Variants in ATOSA observed in about 807,000 individuals in gnomAD.
ATOSA encodes the protein atos homolog protein A.
the ATOSA span, among the ~76,000 whole-genome samples, chr15:52,704,735 A>G: frequency 6.6e-6 from 1 of 152,236 alleles, no homozygotes; most frequent in African/African-American, 2.4e-5. Context: ...ACATTTATGC[A>G]GCCAACAGAC....
At chr15:52,584,834 T>A in the ATOSA span, 1 of 1,613,670 alleles carries the variant, frequency 6.2e-7, no homozygotes, top group South Asian at 1.1e-5. Context: ...GTTTAACAGG[T>A]ACAGAAAAAG....
chr15:52,660,696 G>A, the ATOSA span, among the ~76,000 whole-genome samples: 1 of 151,958 alleles, frequency 6.6e-6, no homozygotes, highest in Non-Finnish European at 1.5e-5. Context: ...TTTTTGCCTA[G>A]GCTGGAGTGC....
At chr15:52,678,374 T>C in the ATOSA span, 1 of 388,700 alleles carries the variant, frequency 2.6e-6, no homozygotes, top group East Asian at 4.3e-5. Context: ...AGGATCTATT[T>C]ATAACCTGGA....
chr15:52,582,066 T>C, the ATOSA span: 6 of 1,101,914 alleles, frequency 5.4e-6, no homozygotes, highest in Non-Finnish European at 6.2e-6. Flanking sequence ...TCCACTCTCC[T>C]GATTGTTAAT....
At chr15:52,662,813 C>T in the ATOSA span, among the ~76,000 whole-genome samples, 1 of 150,630 alleles carries the variant, frequency 6.6e-6, no homozygotes, top group Non-Finnish European at 1.5e-5. Context: ...GTATTGTGTA[C>T]CATGTTAATA....
the ATOSA span, among the ~76,000 whole-genome samples, chr15:52,700,732 T>A: frequency 6.6e-6 from 1 of 152,222 alleles, no homozygotes; most frequent in Non-Finnish European, 1.5e-5. Context: ...TTGCTTTCCT[T>A]TATTGGAAAG....
the ATOSA span, among the ~76,000 whole-genome samples, chr15:52,631,954 T>A: frequency 6.6e-6 from 1 of 152,140 alleles, no homozygotes; most frequent in Non-Finnish European, 1.5e-5. Flanking sequence ...TTACCCAAGT[T>A]GGTCTCAAAC....
At chr15:52,604,820 C>T in the ATOSA span, among the ~76,000 whole-genome samples, 1 of 151,750 alleles carries the variant, frequency 6.6e-6, no homozygotes, top group African/African-American at 2.4e-5. Flanking sequence ...TGCAGATGAC[C>T]CAGTTAGTGG....
chr15:52,603,192 A>G, the ATOSA span, among the ~76,000 whole-genome samples: 1 of 152,226 alleles, frequency 6.6e-6, no homozygotes. Flanking sequence ...CGTTTCTCAA[A>G]AGACAATATG....
chr15:52,651,925 AG>A, the ATOSA span: 1 of 1,535,452 alleles, frequency 6.5e-7, no homozygotes, highest in Non-Finnish European at 8.7e-7. Context: ...CCTTGTATAA[AG>A]GAAGTTGCCT....
chr15:52,636,537 G>A, the ATOSA span, among the ~76,000 whole-genome samples: 20 of 152,116 alleles, frequency 1.3e-4, no homozygotes, highest in Non-Finnish European at 2.9e-5. Context: ...AAAAGATGAA[G>A]GCTCACATAG....
At chr15:52,696,625 A>G in the ATOSA span, among the ~76,000 whole-genome samples, 1 of 152,142 alleles carries the variant, frequency 6.6e-6, no homozygotes, top group African/African-American at 2.4e-5. Context: ...CTGCAGTACC[A>G]GTGACTGTCA....
At chr15:52,601,277 C>T in the ATOSA span, 1 of 645,338 alleles carries the variant, frequency 1.5e-6, no homozygotes, top group Non-Finnish European at 2.7e-6. Flanking sequence ...AATATTACAA[C>T]TTCTCCTATA....
the ATOSA span, among the ~76,000 whole-genome samples, chr15:52,709,189 C>A: frequency 6.6e-6 from 1 of 152,146 alleles, no homozygotes; most frequent in Non-Finnish European, 1.5e-5. Flanking sequence ...GGGTACATTC[C>A]TTTTCACCTC....
the ATOSA span, among the ~76,000 whole-genome samples, chr15:52,639,071 C>G: frequency 6.7e-6 from 1 of 148,554 alleles, no homozygotes; most frequent in East Asian, 1.9e-4. Flanking sequence ...TGAGTCTTTG[C>G]TGTCCCAAGA....
At chr15:52,585,068 T>TGGTA in the ATOSA span, 1 of 670,010 alleles carries the variant, frequency 1.5e-6, no homozygotes, top group Non-Finnish European at 2.3e-6. Context: ...TATAATTCAG[T>TGGTA]TTCAAGGACT....
chr15:52,655,132 CTAATA>C, the ATOSA span, among the ~76,000 whole-genome samples: 2 of 152,226 alleles, frequency 1.3e-5, no homozygotes, highest in East Asian at 3.9e-4. Flanking sequence ...CTTCCTAAAT[CTAATA>C]TATGTGCCCT....
the ATOSA span, among the ~76,000 whole-genome samples, chr15:52,641,643 C>A: frequency 6.6e-6 from 1 of 152,116 alleles, no homozygotes. Flanking sequence ...ACTGTATGAG[C>A]GGATTCATTC....
At chr15:52,591,774 A>G in the ATOSA span, among the ~76,000 whole-genome samples, 1 of 152,144 alleles carries the variant, frequency 6.6e-6, no homozygotes, top group East Asian at 1.9e-4. Flanking sequence ...TATTTTTTCA[A>G]AATAATTCTG....
Sources: gnomAD v4.1 joint callset for allele counts (sites outside exome capture counted in the v4.1 genomes callset) on GRCh38, gnomAD v4.1.1 for gene constraint, MANE v1.5 for transcripts, NCBI Gene and HGNC (gene_info 2026-07-23, HGNC 2026-07-21) for gene names.